HP1BP3: variants seen among roughly 807,000 people sequenced by gnomAD.
The protein encoded by HP1BP3 is heterochromatin protein 1-binding protein 3.
Under a neutral mutation model 62.5 loss-of-function variants are expected in HP1BP3, and 12 were observed. That is an observed-to-expected ratio of 0.19 (90% confidence interval 0.12 to 0.31). The LOEUF is 0.31. Among genes scored for constraint, HP1BP3 ranks in the 10% least tolerant of loss-of-function variants. The pLI, the probability that HP1BP3 is intolerant of heterozygous loss-of-function variation, is 1.00. For synonymous variants in HP1BP3, 260 were observed against 237.8 expected, an observed-to-expected ratio of 1.09 and a Z score of -0.86; for missense variants, 502 against 651.8, an observed-to-expected ratio of 0.77 and a Z score of 2.50.
intron 8 of HP1BP3, among the ~76,000 whole-genome samples, chr1:20,762,951 T>C (rs2056569942): frequency 6.6e-6 from 1 of 152,124 alleles, no homozygotes; most frequent in South Asian, 2.1e-4. Context: ...GTGTTGCAGG[T>C]GGGGCCTAGT....
chr1:20,771,895 C>T (rs569111397), intron 5 of HP1BP3, among the ~76,000 whole-genome samples: 5 of 152,276 alleles, frequency 3.3e-5, no homozygotes, highest in African/African-American at 1.2e-4. Flanking sequence ...TATTCATTCT[C>T]ATTGGATAAG....
intron 9 of HP1BP3, among the ~76,000 whole-genome samples, chr1:20,756,551 CAG>C (rs1244426663): frequency 6.6e-6 from 1 of 151,958 alleles, no homozygotes; most frequent in African/African-American, 2.4e-5. Context: ...GCCTGGGAAA[CAG>C]AGAGAAACAC....
intron 9 of HP1BP3, chr1:20,755,375 T>C (rs2056039569): frequency 2.2e-6 from 1 of 452,062 alleles, no homozygotes; most frequent in Non-Finnish European, 4.5e-6. Context: ...AGTTCAAGAG[T>C]AGCCTGGGCA....
rs192161644 is a variant in HP1BP3 at position 20,741,190 on chromosome 1, G to T, written c.*3607C>A. On this transcript the variant is annotated 3_prime_UTR_variant, in exon 13 of 13. Coordinates refer to ENST00000438032, the MANE Select transcript of HP1BP3 (RefSeq NM_001372052.1). ...AAAGATAAATTAATCAGGTTCCAAA[G>T]ATAGGAGACCTTAACTATAATCCCA... Among the ~76,000 whole-genome samples, 1 of 152,350 alleles carries T rather than the reference G, an allele frequency of 6.6e-6. No homozygotes were observed. Among genetic ancestry groups the T allele is most frequent in the East Asian group, 1.9e-4 (1 of 5,190 alleles).
intron 6 of HP1BP3, among the ~76,000 whole-genome samples, chr1:20,770,294 A>G (rs2056997171): frequency 6.6e-6 from 1 of 152,174 alleles, no homozygotes; most frequent in Non-Finnish European, 1.5e-5. Flanking sequence ...AAAGGAAACA[A>G]ACCTAAGACA....
intron 9 of HP1BP3, among the ~76,000 whole-genome samples, chr1:20,753,190 C>T (rs937799139): frequency 6.6e-6 from 1 of 152,164 alleles, no homozygotes; most frequent in Non-Finnish European, 1.5e-5. Flanking sequence ...ATTCGCCCAC[C>T]TCGGCCTCCC....
intron 4 of HP1BP3, chr1:20,776,229 AGT>A: frequency 2.2e-6 from 1 of 453,992 alleles, no homozygotes; most frequent in Non-Finnish European, 3.8e-6. Flanking sequence ...CTGGCACAGA[AGT>A]AGGAATAAAA....
intron 8 of HP1BP3, among the ~76,000 whole-genome samples, chr1:20,761,994 T>C (rs111541857): frequency 1.2e-3 from 182 of 152,160 alleles, no homozygotes; most frequent in African/African-American, 4.3e-3. Context: ...GGTAAAGTGG[T>C]GGGGATAAAG....
intron 8 of HP1BP3, among the ~76,000 whole-genome samples, chr1:20,762,054 T>C (rs1482762423): frequency 6.6e-6 from 1 of 152,220 alleles, no homozygotes; most frequent in Non-Finnish European, 1.5e-5. Context: ...GATACCAGTA[T>C]AGACAACTTA....
intron 1 of HP1BP3, among the ~76,000 whole-genome samples, chr1:20,784,612 G>C (rs970107913): frequency 6.6e-6 from 1 of 151,964 alleles, no homozygotes; most frequent in Non-Finnish European, 1.5e-5. Flanking sequence ...GAGTAGCTGG[G>C]ACTACAGGCG....
At position 20,744,786 on chromosome 1, in the gene HP1BP3, TCCTATAAAATTTAC is replaced by T; in HGVS notation, c.1659_*10del. ...TGAATTTCATCATGATACCCTTTTT[TCCTATAAAATTTAC>T]TTTTTCACTCTGAAAGACTTCTTCA... On this transcript the variant is annotated stop_lost and 3_prime_UTR_variant, in exon 13 of 13. Transcript: ENST00000438032. 1 of 1,588,278 alleles carries T rather than the reference TCCTATAAAATTTAC, an allele frequency of 6.3e-7. No individual in the cohort carries two copies. The highest frequency in any genetic ancestry group is 1.8e-5 in the Admixed American group (1 of 54,386).
intron 9 of HP1BP3, among the ~76,000 whole-genome samples, chr1:20,754,280 C>G (rs1432729720): frequency 6.6e-6 from 1 of 151,812 alleles, no homozygotes; most frequent in Non-Finnish European, 1.5e-5. Flanking sequence ...GAATAAAATA[C>G]TTGGCAATAA....
At position 20,742,408 on chromosome 1, in the gene HP1BP3, T is replaced by C. The variant is rs931130384; in HGVS notation, c.*2389A>G. Among the ~76,000 whole-genome samples the C allele has an allele frequency of 6.6e-6, 1 of 152,352 alleles. No individual in the cohort carries two copies. Among genetic ancestry groups the C allele is most frequent in the Non-Finnish European group, 1.5e-5 (1 of 68,018 alleles). ...AATATTGAACATTTATTGAACATGA[T>C]TGTACTCTATGATCTTGGAAGCAGT... On this transcript the variant is annotated 3_prime_UTR_variant, in exon 13 of 13. Coordinates refer to ENST00000438032, the MANE Select transcript of HP1BP3 (RefSeq NM_001372052.1).
At chr1:20,747,791 T>A (rs2055433444) in intron 10 of HP1BP3, 136 bp from the exon 11 acceptor site, 1 of 611,124 alleles carries the variant, frequency 1.6e-6, no homozygotes, top group Non-Finnish European at 2.9e-6. Context: ...ATCCTATGTG[T>A]TCAAAGGTAT....
intron 5 of HP1BP3, among the ~76,000 whole-genome samples, chr1:20,772,086 C>G (rs904444412): frequency 5.9e-5 from 9 of 152,068 alleles, no homozygotes; most frequent in Non-Finnish European, 1.2e-4. Context: ...AAAGAAAACA[C>G]AGAGCAAAGA....
At chr1:20,755,084 T>G (rs2056018834) in intron 9 of HP1BP3, among the ~76,000 whole-genome samples, 1 of 152,192 alleles carries the variant, frequency 6.6e-6, no homozygotes, top group Non-Finnish European at 1.5e-5. Flanking sequence ...ACCAACCCCC[T>G]TTTAAAAATG....
chr1:20,784,834 TTG>T, intron 1 of HP1BP3, among the ~76,000 whole-genome samples: 1 of 152,318 alleles, frequency 6.6e-6, no homozygotes, highest in African/African-American at 2.4e-5. Context: ...CTGAGTTTAC[TTG>T]TGGTTTACAT....
chr1:20,744,916 CTG>C lies in HP1BP3; in HGVS notation c.1541_1542del (p.Thr514SerfsTer6). 5.6e-6 allele frequency: 9 copies of C among 1,614,188 alleles called. No individual in the cohort carries two copies. Among genetic ancestry groups the C allele is most frequent in the Non-Finnish European group, 7.6e-6 (9 of 1,180,040 alleles). On this transcript the variant is annotated frameshift_variant, in exon 13 of 13. Transcript: ENST00000438032. LOFTEE classifies it high-confidence loss of function. ...GAGCCACCACTAGGTTTCTTGATGACTGTGGATGAGGGTCTGGTCTTCTTGGC... is the reference window on the plus strand; with the variant it reads ...GAGCCACCACTAGGTTTCTTGATGACTGGATGAGGGTCTGGTCTTCTTGGC... Reference protein sequence around the residue: ...TPAKKTRPSSTVIKKPSGGSS... With the variant: ...TPAKKTRPSSXVIKKPSGGSS...
intron 4 of HP1BP3, chr1:20,774,383 C>A (rs115269315): frequency 1.3e-5 from 2 of 151,998 alleles, no homozygotes; most frequent in Non-Finnish European, 2.9e-5. Context: ...CACCCACACA[C>A]GATAGTTGCT....
Sources: allele counts gnomAD v4.1 joint callset (sites outside exome capture counted in the v4.1 genomes callset), GRCh38; gene constraint gnomAD v4.1.1; transcripts MANE v1.5; gene names NCBI Gene and HGNC (gene_info 2026-07-23, HGNC 2026-07-21).